VPS4A: variants seen among roughly 807,000 people sequenced by gnomAD.
The protein encoded by VPS4A is vacuolar protein sorting-associated protein 4A.
VPS4A carries 20 observed loss-of-function variants against 52.3 expected under a neutral mutation model. The ratio of observed to expected loss-of-function variants is 0.38; its 90% CI spans 0.27 to 0.56. VPS4A has a LOEUF of 0.56. Ranked by LOEUF, VPS4A falls within the 20% of genes least tolerant of loss-of-function variation. The probability of loss-of-function intolerance (pLI) is 0.72; values close to 1 mark genes in which losing one functional copy is unlikely to be tolerated. For synonymous variants in VPS4A, 293 were observed against 227.7 expected (o/e 1.29, Z -2.58); for missense variants, 419 against 575.9 (o/e 0.73, Z 2.79).
intron 5 of VPS4A, 91 bp from the exon 6 acceptor site, chr16:69,319,296 G>A: frequency 6.5e-7 from 1 of 1,540,246 alleles, no homozygotes; most frequent in Non-Finnish European, 8.8e-7. Flanking sequence ...AGAATGCCCT[G>A]TTTTACTGTA....
chr16:69,323,499 T>A, intron 10 of VPS4A: 1 of 365,096 alleles, frequency 2.7e-6, no homozygotes, highest in Non-Finnish European at 5.5e-6. Context: ...CCAGATAATA[T>A]GACGTCAATC....
chr16:69,324,385 C>G lies in VPS4A; in HGVS notation c.*76C>G, dbSNP rs2143274291. The G allele has an allele frequency of 1.4e-6, 2 of 1,435,038 alleles. No homozygotes were observed. Among genetic ancestry groups the G allele is most frequent in the South Asian group, 2.4e-5 (2 of 82,964 alleles). 88.9% of individuals were successfully genotyped at this position (1,435,038 alleles called of 1,614,324 possible). A position where few individuals can be genotyped will look rare whatever the true frequency, so the allele number is the denominator to read the frequency against. Reference sequence around the variant, plus strand: ...TCCAGGCACTCCCCATGTCAACAGCCAGACAGGGCTCCAGGGCTTGTCCCA... The same window carrying G: ...TCCAGGCACTCCCCATGTCAACAGCGAGACAGGGCTCCAGGGCTTGTCCCA... On this transcript the variant is annotated 3_prime_UTR_variant, in exon 11 of 11. Coordinates refer to ENST00000254950, the MANE Select transcript of VPS4A (RefSeq NM_013245.3).
chr16:69,317,124 A>G (rs1271649578), intron 3 of VPS4A, among the ~76,000 whole-genome samples: 2 of 152,138 alleles, frequency 1.3e-5, no homozygotes, highest in Non-Finnish European at 2.9e-5. Context: ...GGTCTGCACC[A>G]CGTTCCCATC....
chr16:69,318,551 C>A (rs1206825047), intron 3 of VPS4A, 99 bp from the exon 4 acceptor site: 3 of 1,347,936 alleles, frequency 2.2e-6, no homozygotes, highest in Admixed American at 4.1e-5. Context: ...AGGCTTCGTT[C>A]CTTAACCAGT....
At position 69,320,034 on chromosome 16, in the gene VPS4A, C is replaced by T. The variant is rs569333344; in HGVS notation, c.621-107C>T. ...ACGTTTTCCGCAATTCCGGCATGAC[C>T]GTGGCCTGCGCCTCCCTGTGGGAAG... On this transcript the variant is annotated intron_variant, in intron 6 of 10. Transcript: ENST00000254950. This position sits in a 1 kb window ranked among gnomAD's most constrained non-coding sequence, Gnocchi z 4.2. The T allele has an allele frequency of 1.5e-5, 21 of 1,427,966 alleles. No homozygotes were observed. Among genetic ancestry groups the T allele is most frequent in the South Asian group, 6.9e-5 (5 of 72,464 alleles). 88.5% of individuals were successfully genotyped at this position (1,427,966 alleles called of 1,614,324 possible).
chr16:69,312,589 G>A (rs1965389859), intron 1 of VPS4A, among the ~76,000 whole-genome samples: 1 of 152,038 alleles, frequency 6.6e-6, no homozygotes, highest in Admixed American at 6.5e-5. Context: ...TTCAAACACA[G>A]GTGTATTTAT....
At chr16:69,323,646 G>T in intron 10 of VPS4A, 1 of 455,970 alleles carries the variant, frequency 2.2e-6, no homozygotes, top group Non-Finnish European at 4.4e-6. Context: ...GGTGTTGGGG[G>T]TGTGCAGCTA....
At chr16:69,318,432 C>T (rs777841903) in intron 3 of VPS4A, among the ~76,000 whole-genome samples, 10 of 152,208 alleles carry the variant, frequency 6.6e-5, no homozygotes, top group African/African-American at 1.7e-4. Context: ...AGAAACAGGG[C>T]GGGTTATAGG....
Position 69,318,454 on chromosome 16 carries a change from G to C in VPS4A, c.282-196G>C, listed in dbSNP as rs974678337. On this transcript the variant is annotated intron_variant, in intron 3 of 10. Transcript: ENST00000254950. ...GGGCGGGTTATAGGAGTGTTTGCTGGGGGGGTCCTGAAGTGAGCTGCTGAG... is the reference window on the plus strand; with the variant it reads ...GGGCGGGTTATAGGAGTGTTTGCTGCGGGGGTCCTGAAGTGAGCTGCTGAG... 3.3e-5 allele frequency among the ~76,000 whole-genome samples: 5 copies of C among 152,242 alleles called. 1 individual carries two copies. The South Asian group carries it at 1.0e-3, about 31-fold the overall frequency.
rs35907075 is a variant in VPS4A at position 69,317,953 on chromosome 16, C to CAA, written c.282-676_282-675dup. The stretch of plus-strand genomic sequence containing the variant: ...TCGCACTCCAACCTGGGCACCATCT[C>CAA]AAAAAAAAAAAAAAAAAAAAAAGAA... On this transcript the variant is annotated intron_variant, in intron 3 of 10. Coordinates refer to ENST00000254950, the MANE Select transcript of VPS4A (RefSeq NM_013245.3). 3.4e-3 allele frequency among the ~76,000 whole-genome samples: 155 copies of CAA among 45,656 alleles called. 1 individual carries two copies. Among genetic ancestry groups the CAA allele is most frequent in the South Asian group, 8.1e-3 (10 of 1,230 alleles). 30.0% of individuals were successfully genotyped at this position (45,656 alleles called of 152,430 possible). A position where few individuals can be genotyped will look rare whatever the true frequency, so the allele number is the denominator to read the frequency against.
At position 69,322,556 on chromosome 16, in the gene VPS4A, T is replaced by A; in HGVS notation, c.1072-4T>A. On this transcript the variant is annotated splice_region_variant and splice_polypyrimidine_tract_variant and intron_variant, in intron 9 of 10. Transcript: ENST00000254950. ...CTGCCCCAGTCAGATCCATTTGGTT[T>A]CAGGTCTGTGGCCCCTCTCGCACCA... The A allele has an allele frequency of 6.2e-7, 1 of 1,611,496 alleles. No individual in the cohort carries two copies. Among genetic ancestry groups the A allele is most frequent in the Non-Finnish European group, 8.5e-7 (1 of 1,178,588 alleles).
In VPS4A at chr16:69,324,199, C is replaced by G. The variant is rs989365168; in HGVS notation, c.1213-9C>G. 6.2e-7 allele frequency: 1 copy of G among 1,611,800 alleles called. No individual in the cohort carries two copies. The highest frequency in any genetic ancestry group is 1.3e-5 in the African/African-American group (1 of 75,032). On this transcript the variant is annotated splice_polypyrimidine_tract_variant and intron_variant, in intron 10 of 10. Transcript: ENST00000254950. The stretch of plus-strand genomic sequence containing the variant: ...GCTCCTGCTCAGGCACATACTGTTG[C>G]CTTCACAGTCGGACATGCTGCGGTC...
In VPS4A at chr16:69,322,715, A is replaced by G. The variant is rs549810024; in HGVS notation, c.1212+15A>G. 24 of 1,609,942 alleles carry G rather than the reference A, an allele frequency of 1.5e-5. No homozygotes were observed. The highest frequency in any genetic ancestry group is 1.3e-4 in the South Asian group (12 of 90,554). On this transcript the variant is annotated intron_variant, in intron 10 of 10. Transcript: ENST00000254950. The stretch of plus-strand genomic sequence containing the variant: ...TGGTTTGCATGGTAAGTGACTTGAC[A>G]GGGGAGGGAAGAGGGCTGCACAGAG...
Position 69,322,705 on chromosome 16 carries a change from G to A in VPS4A, c.1212+5G>A, listed in dbSNP as rs1439827713. ...TTAGAGCCTGTGGTTTGCATGGTAA[G>A]TGACTTGACAGGGGAGGGAAGAGGG... is the stretch of plus-strand genomic sequence containing the variant. On this transcript the variant is annotated splice_donor_5th_base_variant and intron_variant, in intron 10 of 10. Coordinates refer to ENST00000254950, the MANE Select transcript of VPS4A (RefSeq NM_013245.3). 1 of 1,612,112 alleles carries A rather than the reference G, an allele frequency of 6.2e-7. No individual in the cohort carries two copies. Among genetic ancestry groups the A allele is most frequent in the South Asian group, 1.1e-5 (1 of 90,882 alleles).
chr16:69,325,393 CGCG>C lies in VPS4A; in HGVS notation c.*1086_*1088del, dbSNP rs1403138494. The C allele has an allele frequency of 4.3e-5, 6 of 139,198 alleles. No homozygotes were observed. Among genetic ancestry groups the C allele is most frequent in the Non-Finnish European group, 9.4e-5 (6 of 63,700 alleles). The allele number at this position is 139,198 out of a possible 1,614,324, so 8.6% of individuals were successfully genotyped here. On this transcript the variant is annotated 3_prime_UTR_variant, in exon 11 of 11. Transcript: ENST00000254950. ...CATTTAAAAGTCGAGAGTTGCTGGGCGCGGTGGCTCACGCCTGTAATCCCAGCA... is the reference window on the plus strand; with the variant it reads ...CATTTAAAAGTCGAGAGTTGCTGGGCGTGGCTCACGCCTGTAATCCCAGCA...
chr16:69,313,443 C>G (rs1965401085), intron 1 of VPS4A, among the ~76,000 whole-genome samples: 1 of 152,188 alleles, frequency 6.6e-6, no homozygotes, highest in Non-Finnish European at 1.5e-5. Context: ...CACTGCTAAT[C>G]TACTTTTTTT....
At chr16:69,312,224 G>A (rs1319840023) in intron 1 of VPS4A, among the ~76,000 whole-genome samples, 2 of 152,046 alleles carry the variant, frequency 1.3e-5, no homozygotes, top group African/African-American at 2.4e-5. Flanking sequence ...TTCCTGGTCT[G>A]TAAAATGGGG....
chr16:69,313,998 T>G (rs1965407675), intron 1 of VPS4A, among the ~76,000 whole-genome samples: 1 of 149,882 alleles, frequency 6.7e-6, no homozygotes. Context: ...TTTTTTTTTT[T>G]TTTTTTTGAG....
rs1597211345 is a variant in VPS4A at position 69,315,603 on chromosome 16, TCTC to T, written c.22-402_22-400del. On this transcript the variant is annotated intron_variant, in intron 1 of 10. Transcript: ENST00000254950. ...CCCTGAGGCCGGGTGCAATTTCTGG[TCTC>T]CTTGCTAAACAAACCAGCAGTCACT... Among the ~76,000 whole-genome samples, 3 of 152,258 alleles carry T rather than the reference TCTC, an allele frequency of 2.0e-5. No individual in the cohort carries two copies. In the East Asian group the frequency reaches 5.8e-4, roughly 29 times the overall value.
Sources: allele counts gnomAD v4.1 joint callset (sites outside exome capture counted in the v4.1 genomes callset), GRCh38; gene constraint gnomAD v4.1.1; non-coding constraint Gnocchi (gnomAD v3.1); transcripts MANE v1.5; gene names NCBI Gene and HGNC (gene_info 2026-07-23, HGNC 2026-07-21).